Variants in SHISA9 observed in about 807,000 individuals in gnomAD.
SHISA9 encodes protein shisa-9.
SHISA9 carries 13 observed loss-of-function variants against 38.0 expected under a neutral mutation model. That is an observed-to-expected ratio of 0.34 (90% CI 0.22 to 0.54). The LOEUF is 0.54. Among genes scored for constraint, SHISA9 ranks in the 20% least tolerant of loss-of-function variants. The probability of loss-of-function intolerance (pLI) is 0.91; values close to 1 mark genes in which losing one functional copy is unlikely to be tolerated. For missense variants in SHISA9, 538 were observed against 575.8 expected, an observed-to-expected ratio of 0.93 and a Z score of 0.67; for synonymous variants, 275 against 242.0, an observed-to-expected ratio of 1.14 and a Z score of -1.27.
the SHISA9 span, among the ~76,000 whole-genome samples, chr16:13,459,105 C>T: frequency 6.6e-5 from 10 of 152,162 alleles, no homozygotes; most frequent in African/African-American, 2.2e-4. Context: ...CCACCCACCT[C>T]GGCCTCCCAG....
intron 2 of SHISA9, among the ~76,000 whole-genome samples, chr16:12,960,773 C>A (rs1423124160): frequency 6.6e-6 from 1 of 152,148 alleles, no homozygotes; most frequent in Non-Finnish European, 1.5e-5. Context: ...CTTCCAGTTC[C>A]GTCCTCTTCC....
At chr16:13,520,382 G>A in the SHISA9 span, among the ~76,000 whole-genome samples, 12 of 152,058 alleles carry the variant, frequency 7.9e-5, no homozygotes, top group African/African-American at 9.6e-5. Flanking sequence ...GGCAGATCAC[G>A]AGGTTGAGAG....
At chr16:13,449,173 A>T in the SHISA9 span, among the ~76,000 whole-genome samples, 5 of 151,872 alleles carry the variant, frequency 3.3e-5, no homozygotes, top group Admixed American at 3.3e-4. Flanking sequence ...TGATTCCCTT[A>T]AAAAATAGAG....
At chr16:13,492,172 A>T in the SHISA9 span, among the ~76,000 whole-genome samples, 9 of 151,984 alleles carry the variant, frequency 5.9e-5, no homozygotes, top group Admixed American at 4.6e-4. Flanking sequence ...GCCCTAGTCA[A>T]TTTCCTCACA....
chr16:13,068,799 ATG>A (rs2073465116), intron 2 of SHISA9, among the ~76,000 whole-genome samples: 1 of 152,182 alleles, frequency 6.6e-6, no homozygotes, highest in Non-Finnish European at 1.5e-5. Flanking sequence ...GTATGCATAT[ATG>A]TGTGTACATG....
At chr16:13,194,182 G>A (rs2050914850) in intron 2 of SHISA9, among the ~76,000 whole-genome samples, 1 of 151,212 alleles carries the variant, frequency 6.6e-6, no homozygotes, top group South Asian at 2.1e-4. Flanking sequence ...TGCCAACCAA[G>A]TGCGGTCCTT....
At chr16:13,259,347 T>C in the SHISA9 span, among the ~76,000 whole-genome samples, 1 of 152,212 alleles carries the variant, frequency 6.6e-6, no homozygotes, top group Non-Finnish European at 1.5e-5. Context: ...TCCTGGCTGC[T>C]TTCACAGGCT....
chr16:13,279,021 T>G, the SHISA9 span, among the ~76,000 whole-genome samples: 1 of 152,058 alleles, frequency 6.6e-6, no homozygotes, highest in Non-Finnish European at 1.5e-5. Flanking sequence ...TTGTGCACTT[T>G]CAGTCTTCCT....
the SHISA9 span, among the ~76,000 whole-genome samples, chr16:13,489,336 C>A: frequency 1.3e-5 from 2 of 152,172 alleles, no homozygotes; most frequent in Non-Finnish European, 2.9e-5. Flanking sequence ...AGGTATGAGC[C>A]ACTGTGCCCT....
At chr16:13,191,089 G>GA (rs774892609) in intron 2 of SHISA9, among the ~76,000 whole-genome samples, 1 of 151,930 alleles carries the variant, frequency 6.6e-6, no homozygotes, top group Non-Finnish European at 1.5e-5. Context: ...CTTGTGGACA[G>GA]AAAAAAACCT....
the SHISA9 span, among the ~76,000 whole-genome samples, chr16:13,368,851 G>A: frequency 6.6e-6 from 1 of 152,122 alleles, no homozygotes; most frequent in Non-Finnish European, 1.5e-5. Context: ...TGTAGCATAT[G>A]ATTGACAGGG....
At chr16:13,286,428 A>C in the SHISA9 span, among the ~76,000 whole-genome samples, 3 of 152,164 alleles carry the variant, frequency 2.0e-5, no homozygotes, top group South Asian at 6.2e-4. Context: ...GCTGCCAAAG[A>C]TTTTCTTTGT....
the SHISA9 span, among the ~76,000 whole-genome samples, chr16:13,402,149 G>T: frequency 1.3e-5 from 2 of 151,308 alleles, no homozygotes; most frequent in Non-Finnish European, 3.0e-5. Flanking sequence ...ATATAGAAAA[G>T]GGAATTTATG....
intron 4 of SHISA9, among the ~76,000 whole-genome samples, chr16:13,232,881 C>A (rs977755702): frequency 2.6e-5 from 4 of 152,076 alleles, no homozygotes; most frequent in African/African-American, 7.2e-5. Flanking sequence ...CAAATGTTTC[C>A]TATTTAGACT....
the SHISA9 span, among the ~76,000 whole-genome samples, chr16:13,451,028 G>A: frequency 1.3e-5 from 2 of 152,030 alleles, no homozygotes; most frequent in Non-Finnish European, 2.9e-5. Flanking sequence ...GACTTTCTCC[G>A]GCCACCAGAG....
At chr16:13,125,870 T>A (rs2050252160) in intron 2 of SHISA9, among the ~76,000 whole-genome samples, 1 of 152,224 alleles carries the variant, frequency 6.6e-6, no homozygotes, top group South Asian at 2.1e-4. Flanking sequence ...ATATTGAGCA[T>A]TGATCAGCTC....
At chr16:13,533,532 C>G in the SHISA9 span, among the ~76,000 whole-genome samples, 1 of 152,180 alleles carries the variant, frequency 6.6e-6, no homozygotes, top group African/African-American at 2.4e-5. Flanking sequence ...GATGACCATC[C>G]TCTCGTATAA....
At chr16:13,067,562 C>T (rs534099739) in intron 2 of SHISA9, among the ~76,000 whole-genome samples, 15 of 152,360 alleles carry the variant, frequency 9.8e-5, no homozygotes, top group African/African-American at 3.4e-4. Context: ...AGAAATTCCA[C>T]CCGAGCCCAG....
chr16:12,988,078 G>T (rs1371503488), intron 2 of SHISA9, among the ~76,000 whole-genome samples: 1 of 152,184 alleles, frequency 6.6e-6, no homozygotes, highest in Non-Finnish European at 1.5e-5. Flanking sequence ...CTGAAGCCAG[G>T]TCTCCAGATT....
Sources: allele counts gnomAD v4.1 joint callset (sites outside exome capture counted in the v4.1 genomes callset), GRCh38; gene constraint gnomAD v4.1.1; transcripts MANE v1.5; gene names NCBI Gene and HGNC (gene_info 2026-07-23, HGNC 2026-07-21).